HDAC8: variants seen among roughly 807,000 people sequenced by gnomAD.
HDAC8 encodes histone deacetylase-like 1.
Under a neutral mutation model 32.2 loss-of-function variants are expected in HDAC8, and 1 was observed. The ratio of observed to expected loss-of-function variants is 0.03; its 90% CI spans 0.01 to 0.15. The LOEUF (loss-of-function observed/expected upper bound fraction) is 0.15, where lower values mean the gene tolerates loss of function less well. Ranked by LOEUF, HDAC8 falls within the 10% of genes least tolerant of loss-of-function variation. The pLI, the probability that HDAC8 is intolerant of heterozygous loss-of-function variation, is 1.00. For synonymous variants in HDAC8, 108 were observed against 113.9 expected, an observed-to-expected ratio of 0.95 and a Z score of 0.33; for missense variants, 117 against 300.0, an observed-to-expected ratio of 0.39 and a Z score of 4.51.
intron 4 of HDAC8, among the ~76,000 whole-genome samples, chrX:72,531,954 G>A (rs1556036149): frequency 8.9e-6 from 1 of 112,336 alleles, no homozygotes; most frequent in Non-Finnish European, 1.9e-5. Context: ...CTTCTGTATG[G>A]ACATATATTT....
intron 9 of HDAC8, among the ~76,000 whole-genome samples, chrX:72,455,945 C>A (rs1431229612): frequency 8.9e-6 from 1 of 111,955 alleles, no homozygotes; most frequent in Non-Finnish European, 1.9e-5. Context: ...CTGGATTAAC[C>A]TTTAAGAAAC....
intron 9 of HDAC8, among the ~76,000 whole-genome samples, chrX:72,421,055 T>C (rs143050211): frequency 2.6e-3 from 294 of 111,178 alleles, no homozygotes; most frequent in African/African-American, 8.6e-3. Context: ...ATTACTGTCT[T>C]ATTTTGTATT....
chrX:72,338,719 T>C (rs1399834732), intron 10 of HDAC8, among the ~76,000 whole-genome samples: 4 of 99,364 alleles, frequency 4.0e-5, no homozygotes, highest in Non-Finnish European at 8.0e-5. Context: ...ATATATAATT[T>C]TTTTATTTTT....
At chrX:72,457,222 A>G (rs192356103) in intron 9 of HDAC8, among the ~76,000 whole-genome samples, 7 of 112,231 alleles carry the variant, frequency 6.2e-5, no homozygotes, top group Admixed American at 1.9e-4. Context: ...CTCAACCTAA[A>G]AAAGAACATT....
intron 4 of HDAC8, among the ~76,000 whole-genome samples, chrX:72,495,531 A>G (rs1485340439): frequency 8.9e-6 from 1 of 112,060 alleles, no homozygotes; most frequent in African/African-American, 3.2e-5. Context: ...TATTATAACT[A>G]TATTGAACAA....
At chrX:72,385,309 A>T (rs1054178174) in intron 9 of HDAC8, among the ~76,000 whole-genome samples, 2 of 110,307 alleles carry the variant, frequency 1.8e-5, no homozygotes, top group Admixed American at 9.7e-5. Context: ...CAAAAAAATT[A>T]AAAAATTAAC....
chrX:72,468,082 T>C (rs2048069894), intron 7 of HDAC8: 1 of 1,097,022 alleles, frequency 9.1e-7, no homozygotes, highest in Non-Finnish European at 1.2e-6. Context: ...AGTGCAAACT[T>C]CAAAGCAACT....
chrX:72,509,922 C>G (rs1277367106), intron 4 of HDAC8, among the ~76,000 whole-genome samples: 1 of 111,537 alleles, frequency 9.0e-6, no homozygotes, highest in Non-Finnish European at 1.9e-5. Flanking sequence ...TTGCCTCTGT[C>G]TCCTTTGCCA....
chrX:72,480,090 G>A (rs1420295876), intron 7 of HDAC8, among the ~76,000 whole-genome samples: 1 of 112,238 alleles, frequency 8.9e-6, no homozygotes, highest in Non-Finnish European at 1.9e-5. Flanking sequence ...CCATTTTCCA[G>A]AACAACAGGT....
At chrX:72,563,781 C>A (rs936398096) in intron 4 of HDAC8, among the ~76,000 whole-genome samples, 2 of 111,171 alleles carry the variant, frequency 1.8e-5, no homozygotes, top group East Asian at 2.8e-4. Flanking sequence ...ATTACCTGAT[C>A]AAAGGGCATT....
At chrX:72,483,257 T>A (rs782515560) in intron 7 of HDAC8, among the ~76,000 whole-genome samples, 1 of 111,631 alleles carries the variant, frequency 9.0e-6, no homozygotes, top group African/African-American at 3.3e-5. Context: ...AATCTCATGT[T>A]GAAATGTGAT....
At chrX:72,373,324 C>A (rs2044944373) in intron 9 of HDAC8, among the ~76,000 whole-genome samples, 1 of 111,985 alleles carries the variant, frequency 8.9e-6, no homozygotes, top group Non-Finnish European at 1.9e-5. Flanking sequence ...TATCTAATTC[C>A]AGAACATTTT....
chrX:72,443,867 A>T (rs1423255889), intron 9 of HDAC8, among the ~76,000 whole-genome samples: 1 of 109,454 alleles, frequency 9.1e-6, no homozygotes, highest in Non-Finnish European at 1.9e-5. Flanking sequence ...ACCACCGATC[A>T]CACAGAAATA....
chrX:72,513,471 G>A (rs1490976875), intron 4 of HDAC8, among the ~76,000 whole-genome samples: 1 of 109,720 alleles, frequency 9.1e-6, no homozygotes, highest in Non-Finnish European at 1.9e-5. Flanking sequence ...AACCACAGGC[G>A]TGTACCACCA....
intron 4 of HDAC8, 105 bp downstream of exon 4, chrX:72,567,784 C>T: frequency 1.7e-6 from 2 of 1,210,973 alleles, no homozygotes; most frequent in Non-Finnish European, 2.2e-6. Flanking sequence ...GTGCCACATA[C>T]ACACACGTCT....
At chrX:72,438,358 C>T (rs868958542) in intron 9 of HDAC8, among the ~76,000 whole-genome samples, 8 of 111,715 alleles carry the variant, frequency 7.2e-5, no homozygotes, top group African/African-American at 2.3e-4. Context: ...CATCAAAGAC[C>T]AAAGGTAGAT....
intron 9 of HDAC8, among the ~76,000 whole-genome samples, chrX:72,456,940 T>G (rs2047736805): frequency 9.0e-6 from 1 of 110,990 alleles, no homozygotes; most frequent in Non-Finnish European, 1.9e-5. Context: ...CCAACATCCC[T>G]TATCAACATA....
In HDAC8 at chrX:72,443,444, A is replaced by G. The variant is rs2047250381; in HGVS notation, c.1005+18560T>C. 2.7e-5 allele frequency among the ~76,000 whole-genome samples: 3 copies of G among 111,251 alleles called. No individual in the cohort carries two copies. The Admixed American group carries it at 2.9e-4, about 11-fold the overall frequency. ...CTGCTCCTGAATGACTACTGGGTACATAACGAAATGAAGGCAGAAATAAAG... is the reference window on the plus strand; with the variant it reads ...CTGCTCCTGAATGACTACTGGGTACGTAACGAAATGAAGGCAGAAATAAAG... On this transcript the variant is annotated intron_variant, in intron 9 of 10. Transcript: ENST00000373573.
intron 7 of HDAC8, among the ~76,000 whole-genome samples, chrX:72,481,336 A>G: frequency 9.0e-6 from 1 of 111,685 alleles, no homozygotes. Flanking sequence ...AATTTGGATT[A>G]CAATTCAAGA....
Sources: gnomAD v4.1 joint callset for allele counts (sites outside exome capture counted in the v4.1 genomes callset) on GRCh38, gnomAD v4.1.1 for gene constraint, MANE v1.5 for transcripts, NCBI Gene and HGNC (gene_info 2026-07-23, HGNC 2026-07-21) for gene names.